The following CCDC170 variants were observed in gnomAD, a reference collection of about 807,000 sequenced individuals.
The protein encoded by CCDC170 is coiled-coil domain-containing protein 170.
A neutral mutation model predicts 72.6 loss-of-function variants in CCDC170; 69 were observed. The observed-to-expected ratio is 0.95, with a 90% CI of 0.78 to 1.16. The LOEUF (loss-of-function observed/expected upper bound fraction) is 1.16, where lower values mean the gene tolerates loss of function less well. CCDC170 is among the 50% of genes most tolerant of loss of function. The pLI is 0.00. For missense variants in CCDC170, 852 were observed against 832.5 expected (o/e 1.02, Z -0.29); for synonymous variants, 300 against 303.9 (o/e 0.99, Z 0.13).
intron 9 of CCDC170, among the ~76,000 whole-genome samples, chr6:151,603,793 G>C (rs1776744803): frequency 6.6e-6 from 1 of 152,130 alleles, no homozygotes; most frequent in African/African-American, 2.4e-5. Flanking sequence ...CTTCACTCTA[G>C]TCATCAGGAA....
chr6:151,605,646 C>T (rs553320747), intron 9 of CCDC170, among the ~76,000 whole-genome samples: 22 of 152,196 alleles, frequency 1.4e-4, no homozygotes, highest in Non-Finnish European at 2.6e-4. Flanking sequence ...ATTGTAGAAA[C>T]CATGAGTCTG....
At chr6:151,591,708 C>T (rs150285327) in intron 7 of CCDC170, among the ~76,000 whole-genome samples, 20 of 151,976 alleles carry the variant, frequency 1.3e-4, no homozygotes, top group Non-Finnish European at 2.6e-4. Flanking sequence ...TGTTAGCCAG[C>T]ATGGTCTCCA....
chr6:151,604,032 A>G (rs1051170535), intron 9 of CCDC170, among the ~76,000 whole-genome samples: 9 of 152,176 alleles, frequency 5.9e-5, no homozygotes, highest in Admixed American at 5.9e-4. Context: ...CTTAGTAAGG[A>G]GCTATGGCCG....
Position 151,593,184 on chromosome 6 carries a change from G to T in CCDC170, c.1371G>T (p.Arg457=). ...CTGCCGAACTTGGCTTTGACATGCGGCTGGACGTGGTTTTAGCTCGAACAG... is the reference window on the plus strand; with the variant it reads ...CTGCCGAACTTGGCTTTGACATGCGTCTGGACGTGGTTTTAGCTCGAACAG... ...QMAAELGFDM[R]LDVVLARTEQ... Residue 457 remains arginine (R), a synonymous_variant, in exon 8 of 11, where the codon CGG becomes CGT. Transcript: ENST00000239374. 1 of 1,614,174 alleles carries T rather than the reference G, an allele frequency of 6.2e-7. No homozygotes were observed. The highest frequency in any genetic ancestry group is 8.5e-7 in the Non-Finnish European group (1 of 1,180,034).
chr6:151,517,637 T>C (rs1438788106), intron 1 of CCDC170, among the ~76,000 whole-genome samples: 1 of 151,644 alleles, frequency 6.6e-6, no homozygotes, highest in East Asian at 2.0e-4. Flanking sequence ...AGAGACGGGG[T>C]TTCACCATGT....
At chr6:151,509,234 C>G (rs540815680) in intron 1 of CCDC170, among the ~76,000 whole-genome samples, 105 of 151,624 alleles carry the variant, frequency 6.9e-4, no homozygotes, top group South Asian at 6.3e-3. Flanking sequence ...ATCTATCTAT[C>G]TATCTATCTA....
intron 7 of CCDC170, among the ~76,000 whole-genome samples, chr6:151,586,812 T>A (rs902967881): frequency 2.6e-5 from 4 of 151,940 alleles, no homozygotes; most frequent in Non-Finnish European, 5.9e-5. Context: ...TGAGACAGAG[T>A]CTCGCTCTGT....
At chr6:151,519,079 G>A (rs971622151) in intron 1 of CCDC170, among the ~76,000 whole-genome samples, 1 of 152,096 alleles carries the variant, frequency 6.6e-6, no homozygotes, top group Non-Finnish European at 1.5e-5. Context: ...GCAGAGAATC[G>A]GTCTGACCTC....
chr6:151,612,206 T>TGA (rs1776884373), intron 9 of CCDC170, among the ~76,000 whole-genome samples: 1 of 152,182 alleles, frequency 6.6e-6, no homozygotes, highest in South Asian at 2.1e-4. Context: ...AGTGGGATAG[T>TGA]GAGAGCCTTC....
intron 9 of CCDC170, among the ~76,000 whole-genome samples, chr6:151,608,271 T>C (rs902206942): frequency 6.6e-5 from 10 of 152,232 alleles, no homozygotes; most frequent in African/African-American, 2.4e-4. Context: ...TTGAGTTTCC[T>C]TAAGATCATG....
intron 9 of CCDC170, among the ~76,000 whole-genome samples, chr6:151,607,570 C>T (rs991171386): frequency 8.5e-5 from 13 of 152,048 alleles, no homozygotes; most frequent in African/African-American, 2.9e-4. Context: ...GTTGAGTTCC[C>T]TCAGTTTTTG....
intron 1 of CCDC170, among the ~76,000 whole-genome samples, chr6:151,528,960 G>A (rs1782451853): frequency 6.6e-6 from 1 of 151,936 alleles, no homozygotes; most frequent in Non-Finnish European, 1.5e-5. Flanking sequence ...ATTATATTTA[G>A]TTGTACAAAT....
At chr6:151,509,354 A>C (rs1782114434) in intron 1 of CCDC170, among the ~76,000 whole-genome samples, 1 of 152,090 alleles carries the variant, frequency 6.6e-6, no homozygotes, top group African/African-American at 2.4e-5. Flanking sequence ...CATATGTGAC[A>C]TTGTTCCCAA....
intron 9 of CCDC170, among the ~76,000 whole-genome samples, chr6:151,611,966 C>T (rs1249360654): frequency 6.6e-6 from 1 of 152,168 alleles, no homozygotes; most frequent in Admixed American, 6.5e-5. Context: ...GCCTTGTTCT[C>T]CCAAAGTGCT....
At chr6:151,586,128 G>A in intron 7 of CCDC170, 39 bp downstream of exon 7, 2 of 1,586,908 alleles carry the variant, frequency 1.3e-6, no homozygotes, top group Middle Eastern at 3.4e-4. Flanking sequence ...GGAAGCATCT[G>A]TTGTAGTATA....
At chr6:151,586,634 T>G (rs1214656689) in intron 7 of CCDC170, among the ~76,000 whole-genome samples, 1 of 151,526 alleles carries the variant, frequency 6.6e-6, no homozygotes, top group Non-Finnish European at 1.5e-5. Context: ...GAATCCTCCA[T>G]GGCTGGAACA....
intron 5 of CCDC170, among the ~76,000 whole-genome samples, chr6:151,565,123 C>T (rs1776112336): frequency 6.6e-6 from 1 of 152,038 alleles, no homozygotes; most frequent in Non-Finnish European, 1.5e-5. Flanking sequence ...TGGCTTTGGC[C>T]CTGGCAGCAG....
At position 151,536,368 on chromosome 6, in the gene CCDC170, C is replaced by A; in HGVS notation, c.108C>A (p.Asn36Lys). ...SEVPVTREQL[N>K]HYRNVAQNAR... is the part of the protein sequence containing the mutation. ...TCCCGGTCACGCGGGAGCAGTTAAA[C>A]CACTATCGGAATGTGGCTCAAAATG... is the stretch of plus-strand genomic sequence containing the variant. Residue 36 changes from asparagine to lysine, a missense_variant, in exon 2 of 11, where the codon AAC becomes AAA. By Grantham distance (94) the Asn-to-Lys change is moderately conservative. Coordinates refer to ENST00000239374, the MANE Select transcript of CCDC170 (RefSeq NM_025059.4). The A allele has an allele frequency of 6.2e-7, 1 of 1,614,148 alleles. No individual in the cohort carries two copies. The highest frequency in any genetic ancestry group is 8.5e-7 in the Non-Finnish European group (1 of 1,180,006).
chr6:151,535,228 G>T (rs1338003518), intron 1 of CCDC170, among the ~76,000 whole-genome samples: 1 of 152,154 alleles, frequency 6.6e-6, no homozygotes, highest in Non-Finnish European at 1.5e-5. Context: ...TATATGACTT[G>T]TCTTGAAAAA....
Sources: gnomAD v4.1 joint callset for allele counts (sites outside exome capture counted in the v4.1 genomes callset) on GRCh38, gnomAD v4.1.1 for gene constraint, MANE v1.5 for transcripts, NCBI Gene and HGNC (gene_info 2026-07-23, HGNC 2026-07-21) for gene names.